SPIDR: variants seen among roughly 807,000 people sequenced by gnomAD.
SPIDR encodes the protein scaffold protein involved in DNA repair, also known as DNA repair-scaffolding protein.
Under a neutral mutation model 104.6 loss-of-function variants are expected in SPIDR, and 93 were observed. That is an observed-to-expected ratio of 0.89 (90% CI 0.75 to 1.06). The LOEUF is 1.06. Among genes scored for constraint, SPIDR ranks in the 50% least tolerant of loss-of-function variants. SPIDR has a pLI of 0.00. For synonymous variants in SPIDR, 431 were observed against 416.9 expected (o/e 1.03, Z -0.41); for missense variants, 1,154 against 1,111.2 (o/e 1.04, Z -0.55).
intron 7 of SPIDR, among the ~76,000 whole-genome samples, chr8:47,430,523 A>T (rs1403315112): frequency 1.3e-5 from 2 of 152,144 alleles, no homozygotes; most frequent in Admixed American, 1.3e-4. Context: ...TTCATTAGTA[A>T]GCATATTTTC....
At position 47,482,597 on chromosome 8, in the gene SPIDR, A is replaced by G. The variant is rs879969355; in HGVS notation, c.1097+42055A>G. On this transcript the variant is annotated intron_variant, in intron 8 of 19. Coordinates refer to ENST00000297423, the MANE Select transcript of SPIDR (RefSeq NM_001080394.4). ...CTTTTCCTCATCCTACTACCTAGTG[A>G]AGGGGAGAAATGACAAGCGAGGCAA... 6.6e-5 allele frequency among the ~76,000 whole-genome samples: 10 copies of G among 152,280 alleles called. No individual in the cohort carries two copies. In the South Asian group the frequency reaches 1.5e-3, roughly 22 times the overall value.
At chr8:47,380,174 C>T (rs897475097) in intron 5 of SPIDR, among the ~76,000 whole-genome samples, 2 of 151,422 alleles carry the variant, frequency 1.3e-5, no homozygotes, top group African/African-American at 4.9e-5. Context: ...AGGTCTGAGT[C>T]GATGACCTCT....
chr8:47,319,109 G>A (rs1434215798), intron 5 of SPIDR, among the ~76,000 whole-genome samples: 2 of 152,124 alleles, frequency 1.3e-5, no homozygotes, highest in African/African-American at 4.8e-5. Context: ...AACCTTAAAT[G>A]TAAATGGGCT....
intron 10 of SPIDR, among the ~76,000 whole-genome samples, chr8:47,666,970 A>G (rs1028447973): frequency 6.6e-6 from 1 of 152,200 alleles, no homozygotes; most frequent in African/African-American, 2.4e-5. Context: ...ATTTTAGTCA[A>G]ATTAGCTCAA....
At chr8:47,564,433 A>G (rs1284259128) in intron 8 of SPIDR, among the ~76,000 whole-genome samples, 4 of 152,134 alleles carry the variant, frequency 2.6e-5, no homozygotes, top group African/African-American at 7.2e-5. Flanking sequence ...TAATCCCAAC[A>G]CTTTGGGAGG....
At chr8:47,609,411 A>T (rs1050685939) in intron 10 of SPIDR, among the ~76,000 whole-genome samples, 4 of 152,102 alleles carry the variant, frequency 2.6e-5, no homozygotes, top group Admixed American at 6.5e-5. Flanking sequence ...TTTTGAGTTA[A>T]TTTGTGTGTA....
chr8:47,465,292 T>C (rs1409063372), intron 8 of SPIDR, among the ~76,000 whole-genome samples: 1 of 152,162 alleles, frequency 6.6e-6, no homozygotes, highest in Non-Finnish European at 1.5e-5. Flanking sequence ...GCAGTGACAC[T>C]ATAAAGCAAC....
intron 5 of SPIDR, among the ~76,000 whole-genome samples, chr8:47,356,687 A>C (rs1257866627): frequency 1.3e-5 from 2 of 152,224 alleles, no homozygotes; most frequent in Non-Finnish European, 2.9e-5. Context: ...AAGAAATTTT[A>C]GTGGAAAACA....
chr8:47,391,591 C>T (rs899305688), intron 5 of SPIDR, among the ~76,000 whole-genome samples: 1 of 151,968 alleles, frequency 6.6e-6, no homozygotes, highest in East Asian at 1.9e-4. Flanking sequence ...AATGACTACA[C>T]GAAGAATCCA....
intron 10 of SPIDR, among the ~76,000 whole-genome samples, chr8:47,670,611 G>A (rs1431964275): frequency 6.6e-6 from 1 of 151,714 alleles, no homozygotes; most frequent in African/African-American, 2.4e-5. Context: ...CCCTGTTTCT[G>A]TTCTTTGGTG....
chr8:47,410,603 C>A (rs2063376920), intron 7 of SPIDR, among the ~76,000 whole-genome samples: 1 of 151,798 alleles, frequency 6.6e-6, no homozygotes, highest in Admixed American at 6.6e-5. Context: ...CATTTGACCA[C>A]CCTGAAGGCC....
intron 8 of SPIDR, among the ~76,000 whole-genome samples, chr8:47,530,571 C>T (rs987125758): frequency 5.9e-5 from 9 of 152,162 alleles, no homozygotes; most frequent in Admixed American, 3.9e-4. Context: ...ACTTACCTGT[C>T]TGTAATGGAG....
At chr8:47,508,403 C>G (rs1284592787) in intron 8 of SPIDR, among the ~76,000 whole-genome samples, 1 of 152,128 alleles carries the variant, frequency 6.6e-6, no homozygotes, top group African/African-American at 2.4e-5. Flanking sequence ...TGGAGTTTCT[C>G]CTTGATAAAG....
intron 8 of SPIDR, among the ~76,000 whole-genome samples, chr8:47,441,188 T>C (rs1440889078): frequency 6.6e-6 from 1 of 152,184 alleles, no homozygotes; most frequent in Non-Finnish European, 1.5e-5. Flanking sequence ...TAAATTTTTA[T>C]AAATATTATT....
chr8:47,653,891 GA>G (rs2072173844), intron 10 of SPIDR: 6 of 862,772 alleles, frequency 7.0e-6, no homozygotes, highest in Non-Finnish European at 8.3e-6. Context: ...TAATGCAAAG[GA>G]AAAAAAGGAA....
At chr8:47,293,039 G>A (rs2040211860) in intron 4 of SPIDR, among the ~76,000 whole-genome samples, 1 of 151,920 alleles carries the variant, frequency 6.6e-6, no homozygotes, top group Non-Finnish European at 1.5e-5. Flanking sequence ...TGGCTTCCGT[G>A]ACTAAATTTG....
At chr8:47,625,266 C>T (rs187597831) in intron 10 of SPIDR, among the ~76,000 whole-genome samples, 5,261 of 152,232 alleles carry the variant, frequency 0.035, 147 homozygotes, top group Middle Eastern at 0.068. Context: ...TATGGCAAAC[C>T]CACAGCCAAT....
Position 47,595,807 on chromosome 8 carries a change from C to T in SPIDR, c.1098-4C>T. ...AAACTGTTGCATGTCTTTCTCTTTT[C>T]CAGGCAAAAACTGATTATTCCAAGT... On this transcript the variant is annotated splice_region_variant and splice_polypyrimidine_tract_variant and intron_variant, in intron 8 of 19. Transcript: ENST00000297423. The T allele has an allele frequency of 6.2e-7, 1 of 1,613,182 alleles. No homozygotes were observed. Among genetic ancestry groups the T allele is most frequent in the South Asian group, 1.1e-5 (1 of 90,924 alleles).
intron 10 of SPIDR, among the ~76,000 whole-genome samples, chr8:47,626,547 AAAC>A (rs1488251549): frequency 2.0e-5 from 3 of 152,304 alleles, no homozygotes; most frequent in Non-Finnish European, 4.4e-5. Flanking sequence ...TACAAGAAAA[AAAC>A]AAACAACCCC....
Sources: allele counts gnomAD v4.1 joint callset (sites outside exome capture counted in the v4.1 genomes callset), GRCh38; gene constraint gnomAD v4.1.1; transcripts MANE v1.5; gene names NCBI Gene and HGNC (gene_info 2026-07-23, HGNC 2026-07-21).